The following MTMR2 variants were observed in gnomAD, a reference collection of about 807,000 sequenced individuals.
MTMR2 encodes the protein myotubularin related protein 2.
In MTMR2, 55 loss-of-function variants were observed where a neutral mutation model predicts 86.9. The observed-to-expected ratio is 0.63, with a 90% confidence interval of 0.51 to 0.79. The LOEUF (loss-of-function observed/expected upper bound fraction) is 0.79, where lower values mean the gene tolerates loss of function less well. Among genes scored for constraint, MTMR2 ranks in the 30% least tolerant of loss-of-function variants. The probability of loss-of-function intolerance (pLI) is 0.00; values close to 1 mark genes in which losing one functional copy is unlikely to be tolerated. For missense variants in MTMR2, 659 were observed against 772.3 expected (o/e 0.85, Z 1.74); for synonymous variants, 241 against 266.8 (o/e 0.90, Z 0.94).
At chr11:95,861,381 G>C (rs1481118843) in intron 5 of MTMR2, among the ~76,000 whole-genome samples, 2 of 147,378 alleles carry the variant, frequency 1.4e-5, no homozygotes, top group Non-Finnish European at 3.0e-5. Context: ...TATCCTATCA[G>C]TACTATGTGC....
intron 7 of MTMR2, among the ~76,000 whole-genome samples, chr11:95,854,299 G>GT (rs1287799126): frequency 6.6e-6 from 1 of 152,126 alleles, no homozygotes; most frequent in Non-Finnish European, 1.5e-5. Flanking sequence ...TCAGGGTCAA[G>GT]TTTATTATAC....
chr11:95,870,484 A>G (rs939849035), intron 2 of MTMR2, among the ~76,000 whole-genome samples: 2 of 152,206 alleles, frequency 1.3e-5, no homozygotes, highest in Non-Finnish European at 2.9e-5. Context: ...GGTAATAGAA[A>G]TAAAGAGGAA....
chr11:95,880,225 T>C (rs187186084), intron 2 of MTMR2, among the ~76,000 whole-genome samples: 14 of 152,172 alleles, frequency 9.2e-5, no homozygotes, highest in Admixed American at 4.6e-4. Flanking sequence ...TGTAAGATAC[T>C]CAATACATTA....
At chr11:95,910,282 G>C (rs998375835) in intron 1 of MTMR2, among the ~76,000 whole-genome samples, 3 of 151,956 alleles carry the variant, frequency 2.0e-5, no homozygotes, top group African/African-American at 7.3e-5. Context: ...TGGTTTGGCC[G>C]AGTGTTAATG....
At chr11:95,861,073 TCCCGTGAA>T (rs1180681443) in intron 5 of MTMR2, among the ~76,000 whole-genome samples, 1 of 147,124 alleles carries the variant, frequency 6.8e-6, no homozygotes, top group East Asian at 2.0e-4. Flanking sequence ...GGCAGGAGAA[TCCCGTGAA>T]CCCAGGAGAC....
chr11:95,891,856 G>A (rs541159620), intron 1 of MTMR2, among the ~76,000 whole-genome samples: 26 of 152,068 alleles, frequency 1.7e-4, no homozygotes, highest in African/African-American at 5.5e-4. Context: ...GAGAGGGAGG[G>A]AGAGAGAGTG....
At chr11:95,913,528 C>T (rs1260110653) in intron 1 of MTMR2, among the ~76,000 whole-genome samples, 1 of 152,060 alleles carries the variant, frequency 6.6e-6, no homozygotes, top group Non-Finnish European at 1.5e-5. Context: ...CACGCTGAAA[C>T]CTAGGAAGTT....
intron 1 of MTMR2, among the ~76,000 whole-genome samples, chr11:95,901,180 G>C (rs1235116510): frequency 1.3e-5 from 2 of 152,052 alleles, no homozygotes; most frequent in East Asian, 3.9e-4. Context: ...TACCATCTCT[G>C]TGCAAATGAT....
chr11:95,849,627 A>G, intron 9 of MTMR2, 47 bp downstream of exon 9: 1 of 1,562,370 alleles, frequency 6.4e-7, no homozygotes, highest in South Asian at 1.1e-5. Context: ...TGCCAAACTC[A>G]GCTGATTCAT....
chr11:95,873,997 G>A (rs2135510679), intron 2 of MTMR2, among the ~76,000 whole-genome samples: 1 of 152,272 alleles, frequency 6.6e-6, no homozygotes, highest in Non-Finnish European at 1.5e-5. Context: ...CATTTGCTGA[G>A]GAGTGCTTTA....
At chr11:95,890,604 A>G (rs1267434913) in intron 1 of MTMR2, among the ~76,000 whole-genome samples, 2 of 152,228 alleles carry the variant, frequency 1.3e-5, no homozygotes, top group African/African-American at 4.8e-5. Flanking sequence ...ATAAGAATAT[A>G]AAGTTTGAAA....
intron 1 of MTMR2, among the ~76,000 whole-genome samples, chr11:95,914,546 C>G (rs746050127): frequency 2.6e-5 from 4 of 152,104 alleles, no homozygotes; most frequent in Non-Finnish European, 4.4e-5. Context: ...ATACTATCCT[C>G]TTAATCTCAG....
chr11:95,838,003 G>A, intron 13 of MTMR2, 91 bp downstream of exon 13: 1 of 829,948 alleles, frequency 1.2e-6, no homozygotes, highest in African/African-American at 1.7e-5. Context: ...CCAAAAGAAT[G>A]ACTTCAGTTG....
chr11:95,856,831 G>A (rs1254944875), intron 7 of MTMR2, among the ~76,000 whole-genome samples: 1 of 152,028 alleles, frequency 6.6e-6, no homozygotes, highest in Non-Finnish European at 1.5e-5. Flanking sequence ...AATTTCTAAA[G>A]ACACCTGCTA....
intron 1 of MTMR2, among the ~76,000 whole-genome samples, chr11:95,901,223 C>T (rs1221104673): frequency 2.6e-5 from 4 of 152,100 alleles, no homozygotes; most frequent in African/African-American, 9.7e-5. Flanking sequence ...TTCTCAGTCC[C>T]ACATTCACAA....
chr11:95,839,802 A>G (rs1248319724), intron 12 of MTMR2, among the ~76,000 whole-genome samples: 1 of 152,170 alleles, frequency 6.6e-6, no homozygotes, highest in East Asian at 1.9e-4. Flanking sequence ...AACAAACATT[A>G]TGACTAGTTA....
intron 1 of MTMR2, among the ~76,000 whole-genome samples, chr11:95,893,554 A>C (rs150375696): frequency 6.6e-6 from 1 of 152,204 alleles, no homozygotes; most frequent in Non-Finnish European, 1.5e-5. Context: ...CTGTCCTGCT[A>C]ATCCCTAAAT....
intron 1 of MTMR2, 73 bp from the exon 2 acceptor site, chr11:95,888,334 T>TATAACTCCA: frequency 2.1e-6 from 2 of 969,634 alleles, no homozygotes; most frequent in Non-Finnish European, 3.2e-6. Flanking sequence ...TTGTATTTAA[T>TATAACTCCA]ATAACTCCAA....
intron 7 of MTMR2, among the ~76,000 whole-genome samples, chr11:95,853,018 C>A (rs117967531): frequency 6.8e-6 from 1 of 148,004 alleles, no homozygotes; most frequent in Non-Finnish European, 1.5e-5. Flanking sequence ...CTGGGTGACA[C>A]GGCGAGATTC....
Sources: gnomAD v4.1 joint callset for allele counts (sites outside exome capture counted in the v4.1 genomes callset) on GRCh38, gnomAD v4.1.1 for gene constraint, MANE v1.5 for transcripts, NCBI Gene and HGNC (gene_info 2026-07-23, HGNC 2026-07-21) for gene names.